Variants in STARD3NL observed in about 807,000 individuals in gnomAD.
STARD3NL encodes the protein STARD3 N-terminal like.
A neutral mutation model predicts 30.9 loss-of-function variants in STARD3NL; 17 were observed. The observed-to-expected ratio is 0.55, with a 90% CI of 0.38 to 0.82. STARD3NL has a LOEUF of 0.82. Among genes scored for constraint, STARD3NL ranks in the 40% least tolerant of loss-of-function variants. The pLI is 0.00. For synonymous variants in STARD3NL, 112 were observed against 100.5 expected, an observed-to-expected ratio of 1.11 and a Z score of -0.69; for missense variants, 234 against 277.6, an observed-to-expected ratio of 0.84 and a Z score of 1.12.
In STARD3NL at chr7:38,196,597, G is replaced by A. The variant is rs77488691; in HGVS notation, c.-58-10850G>A. 6.2e-3 allele frequency among the ~76,000 whole-genome samples: 948 copies of A among 152,036 alleles called. 11 individuals carry two copies. Among genetic ancestry groups the A allele is most frequent in the African/African-American group, 0.022 (903 of 41,454 alleles). Reference sequence around the variant, plus strand: ...AATTTCACTCGTTTTCACTTGGCACGTTAGGAATTTGCTGACAAAATTTGA... The same window carrying A: ...AATTTCACTCGTTTTCACTTGGCACATTAGGAATTTGCTGACAAAATTTGA... On this transcript the variant is annotated intron_variant, in intron 1 of 8. Coordinates refer to ENST00000009041, the MANE Select transcript of STARD3NL (RefSeq NM_032016.4).
chr7:38,197,551 TG>T (rs1352441150), intron 1 of STARD3NL, among the ~76,000 whole-genome samples: 2 of 152,162 alleles, frequency 1.3e-5, no homozygotes, highest in Non-Finnish European at 2.9e-5. Context: ...ATCTTTGAGG[TG>T]TTTTCAAAAT....
At chr7:38,203,974 TAAAC>T in intron 1 of STARD3NL, among the ~76,000 whole-genome samples, 1 of 152,200 alleles carries the variant, frequency 6.6e-6, no homozygotes, top group African/African-American at 2.4e-5. Context: ...CCCAGATTCA[TAAAC>T]ATAAAGCAAG....
At chr7:38,227,973 G>A (rs371689889) in intron 7 of STARD3NL, among the ~76,000 whole-genome samples, 9 of 152,052 alleles carry the variant, frequency 5.9e-5, no homozygotes, top group South Asian at 2.1e-4. Flanking sequence ...TAAAAGTTAC[G>A]TGGTTATTTT....
At chr7:38,198,273 A>G (rs1342714226) in intron 1 of STARD3NL, 1 of 152,274 alleles carries the variant, frequency 6.6e-6, no homozygotes, top group African/African-American at 2.4e-5. Flanking sequence ...CAGGCTGGCA[A>G]AGTCAATTGC....
At chr7:38,208,124 CA>C (rs200055563) in intron 2 of STARD3NL, among the ~76,000 whole-genome samples, 1,899 of 152,278 alleles carry the variant, frequency 0.012, 43 homozygotes, top group African/African-American at 0.043. Flanking sequence ...ATAGTTGTGA[CA>C]GAGACCCTCT....
chr7:38,214,522 T>C (rs896740002), intron 3 of STARD3NL, 88 bp downstream of exon 3: 8 of 737,666 alleles, frequency 1.1e-5, no homozygotes, highest in Middle Eastern at 3.8e-4. Context: ...TTCCATGCCC[T>C]TTTTTCCTCT....
At chr7:38,219,482 T>C in intron 6 of STARD3NL, 83 bp from the exon 7 acceptor site, 2 of 900,250 alleles carry the variant, frequency 2.2e-6, no homozygotes, top group Non-Finnish European at 3.6e-6. Context: ...GTAATAATAA[T>C]ACCATTTTAT....
chr7:38,186,761 G>T (rs1175494795), intron 1 of STARD3NL, among the ~76,000 whole-genome samples: 1 of 152,186 alleles, frequency 6.6e-6, no homozygotes, highest in Non-Finnish European at 1.5e-5. Flanking sequence ...CATCTAGGTT[G>T]TGTCAGTTAA....
intron 7 of STARD3NL, among the ~76,000 whole-genome samples, chr7:38,226,668 A>G (rs564847828): frequency 3.3e-4 from 51 of 152,266 alleles, no homozygotes; most frequent in African/African-American, 1.2e-3. Context: ...GTGCATGGAG[A>G]CAACACCAGC....
intron 1 of STARD3NL, among the ~76,000 whole-genome samples, chr7:38,184,983 T>G (rs1247832136): frequency 6.6e-6 from 1 of 151,962 alleles, no homozygotes; most frequent in Non-Finnish European, 1.5e-5. Flanking sequence ...CCTACTACTT[T>G]TGTTGTATTC....
chr7:38,221,019 A>G (rs1454311991), intron 7 of STARD3NL, among the ~76,000 whole-genome samples: 1 of 152,230 alleles, frequency 6.6e-6, no homozygotes, highest in East Asian at 1.9e-4. Context: ...CTGTGAACAC[A>G]TTATGCTAAG....
Position 38,192,333 on chromosome 7 carries a change from C to T in STARD3NL, c.-59+13913C>T, listed in dbSNP as rs139287947. 4.6e-3 allele frequency among the ~76,000 whole-genome samples: 706 copies of T among 152,102 alleles called. 4 individuals carry two copies. Among genetic ancestry groups the T allele is most frequent in the Non-Finnish European group, 7.4e-3 (502 of 67,994 alleles). On this transcript the variant is annotated intron_variant, in intron 1 of 8. Coordinates refer to ENST00000009041, the MANE Select transcript of STARD3NL (RefSeq NM_032016.4). ...TTTTTAAATGGAAGGCAAAAGTATG[C>T]GGCATGATAGATGTAATTATAGAGG... is the stretch of plus-strand genomic sequence containing the variant.
rs1787003331 is a variant in STARD3NL, at chr7:38,229,929, A to C, written c.*24A>C. 1.3e-5 allele frequency: 2 copies of C among 152,468 alleles called. No homozygotes were observed. Among genetic ancestry groups the C allele is most frequent in the African/African-American group, 4.8e-5 (2 of 41,458 alleles). The allele number at this position is 152,468 out of a possible 1,614,324, so 9.4% of individuals were successfully genotyped here. A position where few individuals can be genotyped will look rare whatever the true frequency, so the allele number is the denominator to read the frequency against. ...TCTTCTCTCTTTTTCTAAGTGTGAA[A>C]AACCCTCACAGAAAGTCATCGAGGC... is the stretch of plus-strand genomic sequence containing the variant. On this transcript the variant is annotated 3_prime_UTR_variant, in exon 9 of 9. Coordinates refer to ENST00000009041, the MANE Select transcript of STARD3NL (RefSeq NM_032016.4).
chr7:38,222,550 A>G (rs913884860), intron 7 of STARD3NL, among the ~76,000 whole-genome samples: 3 of 152,160 alleles, frequency 2.0e-5, no homozygotes, highest in African/African-American at 7.2e-5. Flanking sequence ...TCTCAGTACT[A>G]ATGTATTTTC....
chr7:38,211,942 A>G (rs894624757), intron 2 of STARD3NL, among the ~76,000 whole-genome samples: 1 of 151,906 alleles, frequency 6.6e-6, no homozygotes, highest in African/African-American at 2.4e-5. Context: ...CTTCTTTTCC[A>G]CTGTTTCTCC....
rs1562623291 is a variant in STARD3NL at position 38,219,610 on chromosome 7, C to G, written c.599C>G (p.Pro200Arg). Residue 200 changes from proline to arginine, a missense_variant, in exon 7 of 9, where the codon CCT becomes CGT. Transcript: ENST00000009041. ...QDASERAALIPGGLSDGQFYS... is the reference protein window; with the variant it reads ...QDASERAALIRGGLSDGQFYS... ...GCTTCAGAGAGGGCAGCACTTATAC[C>G]TGGTGGTCTTTCTGATGGTCAGTTT... 1 of 1,613,048 alleles carries G rather than the reference C, an allele frequency of 6.2e-7. No individual in the cohort carries two copies. The highest frequency in any genetic ancestry group is 2.2e-5 in the East Asian group (1 of 44,852).
chr7:38,188,268 C>T (rs577637547), intron 1 of STARD3NL, among the ~76,000 whole-genome samples: 36 of 152,300 alleles, frequency 2.4e-4, no homozygotes, highest in African/African-American at 6.0e-4. Context: ...GCTGCAGCTT[C>T]GCTGGCCACC....
intron 1 of STARD3NL, among the ~76,000 whole-genome samples, chr7:38,200,027 C>T (rs1785101521): frequency 6.6e-6 from 1 of 152,170 alleles, no homozygotes. Context: ...CTAGCCAGTC[C>T]CACACACAGT....
intron 1 of STARD3NL, among the ~76,000 whole-genome samples, chr7:38,188,878 G>A (rs17171306): frequency 0.29 from 44,610 of 152,006 alleles, 7,234 homozygotes; most frequent in Admixed American, 0.39. Context: ...GTCGGAGTTC[G>A]GGAGATAAAT....
Sources: gnomAD v4.1 joint callset for allele counts (sites outside exome capture counted in the v4.1 genomes callset) on GRCh38, gnomAD v4.1.1 for gene constraint, MANE v1.5 for transcripts, NCBI Gene and HGNC (gene_info 2026-07-23, HGNC 2026-07-21) for gene names.